DDX6: variants seen among roughly 807,000 people sequenced by gnomAD.
DDX6 encodes probable ATP-dependent RNA helicase DDX6.
Under a neutral mutation model 60.6 loss-of-function variants are expected in DDX6, and 7 were observed. That is an observed-to-expected ratio of 0.12 (90% CI 0.07 to 0.22). DDX6 has a LOEUF of 0.22. DDX6 is among the 10% of genes least tolerant of loss of function. The pLI, the probability that DDX6 is intolerant of heterozygous loss-of-function variation, is 1.00. For synonymous variants in DDX6, 207 were observed against 201.0 expected (o/e 1.03, Z -0.25); for missense variants, 270 against 589.9 (o/e 0.46, Z 5.62).
At chr11:118,783,478 C>T (rs1265202494) in intron 2 of DDX6, among the ~76,000 whole-genome samples, 1 of 152,172 alleles carries the variant, frequency 6.6e-6, no homozygotes, top group African/African-American at 2.4e-5. Context: ...CATGAGCCAT[C>T]ATATCCAGCC....
At chr11:118,776,054 G>A (rs1555163560) in intron 4 of DDX6, among the ~76,000 whole-genome samples, 1 of 152,172 alleles carries the variant, frequency 6.6e-6, no homozygotes, top group African/African-American at 2.4e-5. Flanking sequence ...TGGGGCAGGA[G>A]TATCACGTGA....
chr11:118,760,459 T>C (rs1299649148), intron 7 of DDX6, among the ~76,000 whole-genome samples: 1 of 152,160 alleles, frequency 6.6e-6, no homozygotes, highest in Non-Finnish European at 1.5e-5. Context: ...CATACCTCCA[T>C]GCCCAGCTCC....
chr11:118,750,411 G>C lies in DDX6; in HGVS notation c.*1694C>G, dbSNP rs1388506742. ...AGCAATTTACAGTGCAAAATGACAGGTAACAATTCTTGTCACAATGCAAGA... is the reference window on the plus strand; with the variant it reads ...AGCAATTTACAGTGCAAAATGACAGCTAACAATTCTTGTCACAATGCAAGA... On this transcript the variant is annotated 3_prime_UTR_variant, in exon 14 of 14. Transcript: ENST00000534980. The C allele has an allele frequency of 6.6e-6, 1 of 152,126 alleles. No homozygotes were observed. Among genetic ancestry groups the C allele is most frequent in the African/African-American group, 2.4e-5 (1 of 41,430 alleles). The allele number at this position is 152,126 out of a possible 1,614,324, so 9.4% of individuals were successfully genotyped here.
chr11:118,757,134 C>A (rs1861005430), intron 10 of DDX6, 37 bp downstream of exon 10: 1 of 1,035,768 alleles, frequency 9.7e-7, no homozygotes. Context: ...AAAGAGATTT[C>A]TTATTAAATT....
chr11:118,786,048 T>G lies in DDX6; in HGVS notation c.200+4A>C, dbSNP rs1862063302. 1 of 1,611,484 alleles carries G rather than the reference T, an allele frequency of 6.2e-7. No homozygotes were observed. The highest frequency in any genetic ancestry group is 8.5e-7 in the Non-Finnish European group (1 of 1,178,276). The stretch of plus-strand genomic sequence containing the variant: ...GTTTATTAATAATTTACTCTAACAC[T>G]TACTTAATAGTGGTGGTCATACTCT... On this transcript the variant is annotated splice_donor_region_variant and intron_variant, in intron 2 of 13. Coordinates refer to ENST00000534980, the MANE Select transcript of DDX6 (RefSeq NM_004397.6).
Position 118,757,249 on chromosome 11 carries a change from A to G in DDX6, c.1032T>C (p.Ser344=), listed in dbSNP as rs1861007785. 8 of 1,586,440 alleles carry G rather than the reference A, an allele frequency of 5.0e-6. No homozygotes were observed. The highest frequency in any genetic ancestry group is 6.9e-6 in the Non-Finnish European group (8 of 1,167,860). Residue 344 remains serine, a synonymous_variant, in exon 10 of 14, where the codon TCT becomes TCC. Coordinates refer to ENST00000534980, the MANE Select transcript of DDX6 (RefSeq NM_004397.6). ...INQSIIFCNS[S]QRVELLAKKI... is the part of the protein sequence containing the mutation. Reference sequence around the variant, plus strand: ...TCTTGGCTAGCAATTCAACTCGCTGAGAGGAGTTACAGAAAATGATCGACT... The same window carrying G: ...TCTTGGCTAGCAATTCAACTCGCTGGGAGGAGTTACAGAAAATGATCGACT...
At chr11:118,776,155 T>G (rs527272255) in intron 4 of DDX6, among the ~76,000 whole-genome samples, 12 of 152,102 alleles carry the variant, frequency 7.9e-5, no homozygotes, top group Non-Finnish European at 1.6e-4. Context: ...TAAAACAAAT[T>G]TAAAACAATT....
intron 4 of DDX6, among the ~76,000 whole-genome samples, chr11:118,770,683 A>T (rs1477160801): frequency 6.6e-6 from 1 of 152,060 alleles, no homozygotes; most frequent in East Asian, 1.9e-4. Flanking sequence ...TGAGGTCAGG[A>T]GTTCGAGACC....
At chr11:118,785,546 A>G (rs906150997) in intron 2 of DDX6, among the ~76,000 whole-genome samples, 1 of 151,732 alleles carries the variant, frequency 6.6e-6, no homozygotes, top group Non-Finnish European at 1.5e-5. Flanking sequence ...TAAGTTCCAT[A>G]AGCTAAAAAA....
rs919804446 is a variant in DDX6 at position 118,749,573 on chromosome 11, G to C, written c.*2532C>G. 1.3e-5 allele frequency: 2 copies of C among 152,566 alleles called. No homozygotes were observed. The highest frequency in any genetic ancestry group is 1.9e-4 in the East Asian group (1 of 5,190). 9.5% of individuals were successfully genotyped at this position (152,566 alleles called of 1,614,324 possible). A position where few individuals can be genotyped will look rare whatever the true frequency, so the allele number is the denominator to read the frequency against. On this transcript the variant is annotated 3_prime_UTR_variant, in exon 14 of 14. Coordinates refer to ENST00000534980, the MANE Select transcript of DDX6 (RefSeq NM_004397.6). ...TCCATTTTAAGTCTGTGCTTTAAGA[G>C]GGACCCACAGGCATGTGGCACCACG...
chr11:118,760,089 T>C, intron 7 of DDX6, 45 bp from the exon 8 acceptor site: 1 of 1,578,100 alleles, frequency 6.3e-7, no homozygotes, highest in African/African-American at 1.4e-5. Flanking sequence ...TAAAATAATG[T>C]CTAAGGTCTT....
At chr11:118,760,535 G>T (rs1861127668) in intron 7 of DDX6, among the ~76,000 whole-genome samples, 1 of 152,054 alleles carries the variant, frequency 6.6e-6, no homozygotes, top group Non-Finnish European at 1.5e-5. Flanking sequence ...TAAAAGTACG[G>T]GTTCTGGCCG....
intron 11 of DDX6, among the ~76,000 whole-genome samples, chr11:118,756,046 T>C (rs1555158830): frequency 1.8e-5 from 2 of 111,520 alleles, no homozygotes. Flanking sequence ...AAGACAGAGA[T>C]GAGGTATGAG....
At chr11:118,775,836 A>C (rs1232027481) in intron 4 of DDX6, among the ~76,000 whole-genome samples, 1 of 152,214 alleles carries the variant, frequency 6.6e-6, no homozygotes, top group Non-Finnish European at 1.5e-5. Flanking sequence ...ATATCCACTA[A>C]GAATGAGGAC....
chr11:118,779,596 A>T, intron 4 of DDX6, 36 bp downstream of exon 4: 1 of 1,388,314 alleles, frequency 7.2e-7, no homozygotes, highest in Non-Finnish European at 1.0e-6. Flanking sequence ...TGGTTGACAC[A>T]TAACCTTACA....
chr11:118,790,075 T>C (rs1862216095), intron 1 of DDX6: 1 of 152,226 alleles, frequency 6.6e-6, no homozygotes, highest in African/African-American at 2.4e-5. Flanking sequence ...CAAGAGCTTT[T>C]GTTTGCAAAT....
At position 118,756,283 on chromosome 11, in the gene DDX6, A is replaced by G. The variant is rs1555158921; in HGVS notation, c.1151T>C (p.Leu384Ser). The change falls in exon 11 of 14, where the codon TTA (leucine) becomes TCA (serine). Residue 384 changes from leucine to serine, a missense_variant. Physicochemically the swap from Leu to Ser is moderately radical, Grantham distance 145. Around this residue, in one of 8 missense-constraint regions of DDX6, gnomAD observed 69 missense variants for 208.2 expected, o/e 0.33. Transcript: ENST00000534980. ...ACCAGTGCAAACAAGATTGCGGCAT[A>G]AGCCATTTCGGAAATCATGAAATAC... ...NRVFHDFRNG[L>S]CRNLVCTDLF... The G allele has an allele frequency of 6.2e-7, 1 of 1,613,566 alleles. No homozygotes were observed. Among genetic ancestry groups the G allele is most frequent in the Non-Finnish European group, 8.5e-7 (1 of 1,179,648 alleles).
At chr11:118,760,465 G>A (rs1164056019) in intron 7 of DDX6, among the ~76,000 whole-genome samples, 1 of 152,254 alleles carries the variant, frequency 6.6e-6, no homozygotes, top group African/African-American at 2.4e-5. Flanking sequence ...TCCATGCCCA[G>A]CTCCACAACA....
At chr11:118,782,480 T>C (rs1433000299) in intron 2 of DDX6, among the ~76,000 whole-genome samples, 4 of 151,978 alleles carry the variant, frequency 2.6e-5, no homozygotes, top group African/African-American at 9.7e-5. Flanking sequence ...GAAAAAGTTT[T>C]CACTGCAGCT....
Sources: gnomAD v4.1 joint callset for allele counts (sites outside exome capture counted in the v4.1 genomes callset) on GRCh38, gnomAD v4.1.1 for gene constraint, gnomAD v4.1.1 regional missense constraint, MANE v1.5 for transcripts, NCBI Gene and HGNC (gene_info 2026-07-23, HGNC 2026-07-21) for gene names.